VPS8: variants seen among roughly 807,000 people sequenced by gnomAD.
VPS8 encodes the protein vacuolar protein sorting-associated protein 8 homolog.
In VPS8, 129 loss-of-function variants were observed where a neutral mutation model predicts 216.4. The observed-to-expected ratio is 0.60, with a 90% CI of 0.52 to 0.69. The LOEUF (loss-of-function observed/expected upper bound fraction) is 0.69, where lower values mean the gene tolerates loss of function less well. Ranked by LOEUF, VPS8 falls within the 30% of genes least tolerant of loss-of-function variation. The pLI is 0.00. For synonymous variants in VPS8, 571 were observed against 565.4 expected, an observed-to-expected ratio of 1.01 and a Z score of -0.14; for missense variants, 1,531 against 1,683.5, an observed-to-expected ratio of 0.91 and a Z score of 1.59.
chr3:184,916,861 C>T (rs7611263), intron 28 of VPS8, among the ~76,000 whole-genome samples: 80,722 of 152,064 alleles, frequency 0.53, 22,442 homozygotes, highest in Middle Eastern at 0.69. Context: ...TGGAATTATG[C>T]TGATGTCTGA....
chr3:184,864,516 G>T (rs1489420221), intron 16 of VPS8, among the ~76,000 whole-genome samples: 1 of 152,166 alleles, frequency 6.6e-6, no homozygotes, highest in Non-Finnish European at 1.5e-5. Flanking sequence ...CATTTGAAAG[G>T]TTTAGAGGGA....
intron 46 of VPS8, among the ~76,000 whole-genome samples, chr3:185,027,778 T>C (rs1299683033): frequency 6.6e-6 from 1 of 152,088 alleles, no homozygotes; most frequent in East Asian, 1.9e-4. Flanking sequence ...AGAAGCAGGG[T>C]TTTGTTACTC....
chr3:184,978,391 C>T lies in VPS8; in HGVS notation c.3421-4175C>T, dbSNP rs568478939. Among the ~76,000 whole-genome samples, 3 of 151,838 alleles carry T rather than the reference C, an allele frequency of 2.0e-5. No individual in the cohort carries two copies. In the East Asian group the frequency reaches 5.8e-4, roughly 29 times the overall value. The stretch of plus-strand genomic sequence containing the variant: ...TCCATCCGTCCTCCCTCCCTCCCTC[C>T]TTCTCTTCTTCCCTCTTTCCTTCCT... On this transcript the variant is annotated intron_variant, in intron 40 of 47. Transcript: ENST00000625842.
chr3:185,012,013 T>A (rs549461429), intron 45 of VPS8, among the ~76,000 whole-genome samples: 2 of 152,138 alleles, frequency 1.3e-5, no homozygotes, highest in African/African-American at 4.8e-5. Flanking sequence ...AAAAAACATA[T>A]CTAAAGTGAA....
At chr3:184,861,749 A>G (rs533642413) in intron 15 of VPS8, among the ~76,000 whole-genome samples, 65 of 152,354 alleles carry the variant, frequency 4.3e-4, no homozygotes, top group African/African-American at 1.5e-3. Flanking sequence ...AATCTCAGGA[A>G]TAATTACTAA....
chr3:184,945,405 A>G (rs1251980193), intron 36 of VPS8, among the ~76,000 whole-genome samples: 1 of 152,048 alleles, frequency 6.6e-6, no homozygotes, highest in East Asian at 1.9e-4. Context: ...CTGCCTTCAG[A>G]GAATTTACAT....
intron 35 of VPS8, among the ~76,000 whole-genome samples, chr3:184,939,011 CAG>C (rs1438842658): frequency 7.6e-6 from 1 of 130,934 alleles, no homozygotes; most frequent in African/African-American, 3.0e-5. Flanking sequence ...GCCTGGGTGA[CAG>C]AGTGAGACCC....
intron 40 of VPS8, among the ~76,000 whole-genome samples, chr3:184,972,232 G>A (rs373799198): frequency 1.3e-5 from 2 of 152,040 alleles, no homozygotes; most frequent in African/African-American, 4.8e-5. Flanking sequence ...AGAGTGTGTG[G>A]CTTCTTTGTT....
intron 7 of VPS8, among the ~76,000 whole-genome samples, chr3:184,842,523 T>C (rs1453318407): frequency 1.3e-5 from 2 of 152,186 alleles, no homozygotes; most frequent in African/African-American, 4.8e-5. Context: ...ATTTTACTCA[T>C]TACTGTTTAT....
chr3:184,943,815 T>C (rs1474437611), intron 36 of VPS8, among the ~76,000 whole-genome samples: 1 of 152,210 alleles, frequency 6.6e-6, no homozygotes, highest in Non-Finnish European at 1.5e-5. Flanking sequence ...AACATTTACA[T>C]GTATGGCCAG....
intron 46 of VPS8, among the ~76,000 whole-genome samples, chr3:185,038,257 G>C (rs1448638759): frequency 6.6e-6 from 1 of 152,182 alleles, no homozygotes; most frequent in African/African-American, 2.4e-5. Flanking sequence ...GCTGGGCTCT[G>C]GTTTTGTTGT....
intron 45 of VPS8, among the ~76,000 whole-genome samples, chr3:185,002,727 T>C (rs1753583809): frequency 6.6e-6 from 1 of 152,232 alleles, no homozygotes; most frequent in Non-Finnish European, 1.5e-5. Context: ...CCTGAGTTAC[T>C]TCACTTAGAA....
At position 184,982,470 on chromosome 3, in the gene VPS8, A is replaced by G. The variant is rs116158522; in HGVS notation, c.3421-96A>G. The G allele has an allele frequency of 3.0e-3, 2,508 of 824,376 alleles. 26 individuals are homozygous for G. The highest frequency in any genetic ancestry group is 0.021 in the African/African-American group (1,247 of 59,006). The allele number at this position is 824,376 out of a possible 1,614,324, so 51.1% of individuals were successfully genotyped here. A position where few individuals can be genotyped will look rare whatever the true frequency, so the allele number is the denominator to read the frequency against. On this transcript the variant is annotated intron_variant, in intron 40 of 47. Transcript: ENST00000625842. ...AAATGTATGTGAGAAGTACGTTTCA[A>G]CCTGTAAAACATCATGCTGATGTTA...
intron 11 of VPS8, 97 bp downstream of exon 11, chr3:184,852,664 T>A: frequency 8.7e-7 from 1 of 1,152,400 alleles, no homozygotes; most frequent in Non-Finnish European, 1.3e-6. Flanking sequence ...GCCCCTGTAA[T>A]TGAGAGTAGA....
chr3:184,929,002 CAT>C (rs1304431939), intron 32 of VPS8, among the ~76,000 whole-genome samples: 2 of 152,022 alleles, frequency 1.3e-5, no homozygotes, highest in Non-Finnish European at 2.9e-5. Context: ...TAATATCTAA[CAT>C]ATTCACTATT....
At chr3:185,012,122 C>A (rs937779151) in intron 45 of VPS8, among the ~76,000 whole-genome samples, 1 of 150,852 alleles carries the variant, frequency 6.6e-6, no homozygotes, top group Admixed American at 6.6e-5. Context: ...AGCACAGAGG[C>A]AAAAATAATT....
At chr3:185,013,117 C>T (rs972917377) in intron 45 of VPS8, among the ~76,000 whole-genome samples, 6 of 152,180 alleles carry the variant, frequency 3.9e-5, no homozygotes, top group South Asian at 2.1e-4. Flanking sequence ...ACACCTTAAG[C>T]GTTTTCCACC....
intron 4 of VPS8, 84 bp from the exon 5 acceptor site, chr3:184,834,565 G>C: frequency 9.9e-7 from 1 of 1,007,364 alleles, no homozygotes; most frequent in Non-Finnish European, 1.4e-6. Flanking sequence ...CTTTTTGTGC[G>C]TGTGTGTTTT....
At chr3:184,915,672 G>C (rs1195282714) in intron 28 of VPS8, among the ~76,000 whole-genome samples, 198 bp downstream of exon 28, 2 of 152,136 alleles carry the variant, frequency 1.3e-5, no homozygotes, top group Non-Finnish European at 2.9e-5. Flanking sequence ...AGCCAGGCAT[G>C]GTGGCAGGTG....
Sources: gnomAD v4.1 joint callset for allele counts (sites outside exome capture counted in the v4.1 genomes callset) on GRCh38, gnomAD v4.1.1 for gene constraint, MANE v1.5 for transcripts, NCBI Gene and HGNC (gene_info 2026-07-23, HGNC 2026-07-21) for gene names.